The following DRAM2 variants were observed in gnomAD, a reference collection of about 807,000 sequenced individuals.
The protein encoded by DRAM2 is DNA damage regulated autophagy modulator 2.
In DRAM2, 26 loss-of-function variants were observed where a neutral mutation model predicts 33.5. That is an observed-to-expected ratio of 0.78 (90% CI 0.57 to 1.08). The LOEUF (loss-of-function observed/expected upper bound fraction) is 1.08. Ranked by LOEUF, DRAM2 falls within the 50% of genes least tolerant of loss-of-function variation. The pLI is 0.00. For missense variants in DRAM2, 311 were observed against 318.1 expected (o/e 0.98, Z 0.17); for synonymous variants, 98 against 109.5 (o/e 0.89, Z 0.66).
Position 111,126,248 on chromosome 1 carries a change from G to C in DRAM2, c.178C>G (p.Leu60Val). 6.2e-7 allele frequency: 1 copy of C among 1,609,766 alleles called. No homozygotes were observed. The highest frequency in any genetic ancestry group is 8.5e-7 in the Non-Finnish European group (1 of 1,177,486). Residue 60 changes from leucine to valine, a missense_variant, in exon 5 of 10, where the codon CTA becomes GTA. Coordinates refer to ENST00000484310, the MANE Select transcript of DRAM2 (RefSeq NM_001349884.2). ...APEKCLFGAM[L>V]NIAAVLCIAT... ...TTACATAAAACTGCCGCAATATTTA[G>C]CATTGCCCCAAATAAGCATTTTTCT...
At chr1:111,131,291 T>C in intron 4 of DRAM2, 133 bp downstream of exon 4, 1 of 1,000,980 alleles carries the variant, frequency 1.0e-6, no homozygotes. Context: ...AAGTTCCTTT[T>C]TATATTCCCT....
intron 4 of DRAM2, among the ~76,000 whole-genome samples, chr1:111,127,596 G>T (rs1253276442): frequency 6.6e-6 from 1 of 152,036 alleles, no homozygotes; most frequent in Non-Finnish European, 1.5e-5. Flanking sequence ...CAGGAGGAGG[G>T]AATAAAGGGT....
At chr1:111,134,071 C>A (rs564385927) in intron 3 of DRAM2, among the ~76,000 whole-genome samples, 2 of 152,134 alleles carry the variant, frequency 1.3e-5, no homozygotes, top group Non-Finnish European at 2.9e-5. Flanking sequence ...GGAGCAGGGG[C>A]GGAGACAGAG....
At chr1:111,137,929 C>A (rs1051635332) in intron 2 of DRAM2, among the ~76,000 whole-genome samples, 1 of 152,118 alleles carries the variant, frequency 6.6e-6, no homozygotes, top group African/African-American at 2.4e-5. Flanking sequence ...CAAAATAAAG[C>A]AATTGCAAGT....
At position 111,118,076 on chromosome 1, in the gene DRAM2, T is replaced by C; in HGVS notation, c.*84A>G. ...TCAGCCTTGATTAAGTGGTTGAAAA[T>C]TTCAGAGAAGAATAAGCAACTTCTG... On this transcript the variant is annotated 3_prime_UTR_variant, in exon 10 of 10. Coordinates refer to ENST00000484310, the MANE Select transcript of DRAM2 (RefSeq NM_001349884.2). 1.5e-6 allele frequency: 2 copies of C among 1,323,524 alleles called. No homozygotes were observed. The highest frequency in any genetic ancestry group is 2.2e-6 in the Non-Finnish European group (2 of 921,076). 82.0% of individuals were successfully genotyped at this position (1,323,524 alleles called of 1,614,324 possible).
chr1:111,123,852 C>T (rs1320940261), intron 6 of DRAM2, among the ~76,000 whole-genome samples: 2 of 152,106 alleles, frequency 1.3e-5, no homozygotes, highest in South Asian at 4.1e-4. Flanking sequence ...GAGCTCTGCA[C>T]ACACCAGCTC....
intron 6 of DRAM2, among the ~76,000 whole-genome samples, chr1:111,123,895 G>C (rs1650505775): frequency 6.6e-6 from 1 of 152,110 alleles, no homozygotes; most frequent in Non-Finnish European, 1.5e-5. Context: ...TAAGCTTCTT[G>C]AAGTCCTCAT....
At chr1:111,128,073 T>C (rs1651370776) in intron 4 of DRAM2, 1 of 151,702 alleles carries the variant, frequency 6.6e-6, no homozygotes, top group Non-Finnish European at 1.5e-5. Flanking sequence ...GTCTTTGAAG[T>C]GAAATTTACA....
chr1:111,124,193 A>C (rs1297997162), intron 6 of DRAM2, among the ~76,000 whole-genome samples: 2 of 152,160 alleles, frequency 1.3e-5, no homozygotes, highest in African/African-American at 4.8e-5. Flanking sequence ...AGAATTGAAA[A>C]ATATTTGATA....
chr1:111,131,297 T>A, intron 4 of DRAM2, 127 bp downstream of exon 4: 1 of 1,026,968 alleles, frequency 9.7e-7, no homozygotes, highest in Non-Finnish European at 1.4e-6. Context: ...CTTTTTATAT[T>A]CCCTTTATTG....
chr1:111,131,916 T>G (rs991287837), intron 3 of DRAM2, among the ~76,000 whole-genome samples: 5 of 152,218 alleles, frequency 3.3e-5, no homozygotes, highest in East Asian at 3.8e-4. Flanking sequence ...CAATTATAAC[T>G]TCCTAAGGGG....
chr1:111,124,864 C>T lies in DRAM2; in HGVS notation c.217G>A (p.Val73Ile). The T allele has an allele frequency of 6.2e-7, 1 of 1,611,920 alleles. No homozygotes were observed. Among genetic ancestry groups the T allele is most frequent in the Non-Finnish European group, 8.5e-7 (1 of 1,179,262 alleles). ...AAVLCIATIY[V>I]RYKQVHALSP... Reference sequence around the variant, plus strand: ...AGAGCATGAACTTGCTTATAACGAACATAAATGGTAGCAATGCCTGGGAAA... The same window carrying T: ...AGAGCATGAACTTGCTTATAACGAATATAAATGGTAGCAATGCCTGGGAAA... The change falls in exon 6 of 10, where the codon GTT (valine) becomes ATT (isoleucine). Residue 73 changes from valine (V) to isoleucine (I), a missense_variant. Physicochemically the swap from Val to Ile is conservative, Grantham distance 29. Coordinates refer to ENST00000484310, the MANE Select transcript of DRAM2 (RefSeq NM_001349884.2).
rs549208459 is a variant in DRAM2 at position 111,124,173 on chromosome 1, C to T, written c.339+569G>A. Among the ~76,000 whole-genome samples, 12 of 152,246 alleles carry T rather than the reference C, an allele frequency of 7.9e-5. No individual in the cohort carries two copies. The East Asian group carries it at 1.3e-3, about 17-fold the overall frequency. On this transcript the variant is annotated intron_variant, in intron 6 of 9. Coordinates refer to ENST00000484310, the MANE Select transcript of DRAM2 (RefSeq NM_001349884.2). ...AGCCCAATGTTTCTTTCCTACTGCT[C>T]TCTCTGTGGAGAATTGAAAAATATT...
At chr1:111,121,402 TCA>T (rs969300014) in intron 6 of DRAM2, among the ~76,000 whole-genome samples, 7 of 152,208 alleles carry the variant, frequency 4.6e-5, no homozygotes, top group Admixed American at 2.6e-4. Context: ...CACCCTGATT[TCA>T]GACTTCTGGC....
In DRAM2 at chr1:111,117,246, TAAA is replaced by T. The variant is rs1202059048; in HGVS notation, c.*911_*913del. 1 of 152,128 alleles carries T rather than the reference TAAA, an allele frequency of 6.6e-6. No individual in the cohort carries two copies. The allele number at this position is 152,128 out of a possible 1,614,324, so 9.4% of individuals were successfully genotyped here. A position where few individuals can be genotyped will look rare whatever the true frequency, so the allele number is the denominator to read the frequency against. On this transcript the variant is annotated 3_prime_UTR_variant, in exon 10 of 10. Coordinates refer to ENST00000484310, the MANE Select transcript of DRAM2 (RefSeq NM_001349884.2). ...GGGCTCTACAAAGGTTACATCCTAT[TAAA>T]AAGGCTCAATATTTACCTGTTCAAG...
At chr1:111,124,703 T>C in intron 6 of DRAM2, 39 bp downstream of exon 6, 2 of 1,605,488 alleles carry the variant, frequency 1.2e-6, no homozygotes, top group Middle Eastern at 1.7e-4. Context: ...TATATTTATG[T>C]ACTTAAGGAA....
At chr1:111,137,668 C>T (rs1361734987) in intron 2 of DRAM2, 82 bp from the exon 3 acceptor site, 1 of 152,118 alleles carries the variant, frequency 6.6e-6, no homozygotes, top group Non-Finnish European at 1.5e-5. Flanking sequence ...GTCAACACGC[C>T]AATATTGTTC....
intron 4 of DRAM2, among the ~76,000 whole-genome samples, chr1:111,128,323 C>T (rs2101064118): frequency 6.6e-6 from 1 of 151,992 alleles, no homozygotes; most frequent in African/African-American, 2.4e-5. Context: ...ATATGTATGT[C>T]AGAATGTTGG....
intron 3 of DRAM2, among the ~76,000 whole-genome samples, chr1:111,136,391 C>T (rs1198701894): frequency 1.3e-5 from 2 of 152,000 alleles, no homozygotes. Flanking sequence ...ACGGTGAAAC[C>T]CAGTCTCTAC....
Sources: gnomAD v4.1 joint callset for allele counts (sites outside exome capture counted in the v4.1 genomes callset) on GRCh38, gnomAD v4.1.1 for gene constraint, MANE v1.5 for transcripts, NCBI Gene and HGNC (gene_info 2026-07-23, HGNC 2026-07-21) for gene names.